Variants in OSBPL9 observed in about 807,000 individuals in gnomAD.
OSBPL9 encodes the protein oxysterol binding protein like 9.
In OSBPL9, 40 loss-of-function variants were observed where a neutral mutation model predicts 106.6. That is an observed-to-expected ratio of 0.38 (90% CI 0.29 to 0.49). The LOEUF (loss-of-function observed/expected upper bound fraction) is 0.49. OSBPL9 is among the 20% of genes least tolerant of loss of function. The pLI is 0.97. For synonymous variants in OSBPL9, 269 were observed against 295.4 expected, an observed-to-expected ratio of 0.91 and a Z score of 0.92; for missense variants, 609 against 887.2, an observed-to-expected ratio of 0.69 and a Z score of 3.98.
At chr1:51,545,068 T>G in the OSBPL9 span, among the ~76,000 whole-genome samples, 1 of 152,228 alleles carries the variant, frequency 6.6e-6, no homozygotes, top group South Asian at 2.1e-4. Context: ...TGTCTCAAAC[T>G]CTTGACCTCA....
chr1:51,642,100 G>A (rs1645837923), intron 1 of OSBPL9, among the ~76,000 whole-genome samples: 2 of 152,068 alleles, frequency 1.3e-5, no homozygotes, highest in South Asian at 4.1e-4. Context: ...TTGTCTTTGG[G>A]CAGCCGATTT....
At chr1:51,530,184 A>AAAAAAAAAAAAAAAAAAAAAAAAAC in the OSBPL9 span, among the ~76,000 whole-genome samples, 1 of 103,410 alleles carries the variant, frequency 9.7e-6, no homozygotes, top group Non-Finnish European at 2.0e-5. Context: ...AAAAAAAAAA[A>AAAAAAAAAAAAAAAAAAAAAAAAAC]AAAAAAAACA....
At chr1:51,659,475 A>C (rs1424852096) in intron 2 of OSBPL9, among the ~76,000 whole-genome samples, 1 of 152,106 alleles carries the variant, frequency 6.6e-6, no homozygotes, top group African/African-American at 2.4e-5. Context: ...TGATCTAAAC[A>C]TTAAAATTTT....
At chr1:51,588,275 G>A (rs954869921) in intron 1 of OSBPL9, among the ~76,000 whole-genome samples, 46 of 152,164 alleles carry the variant, frequency 3.0e-4, no homozygotes, top group African/African-American at 1.1e-3. Flanking sequence ...CCAGCTACTC[G>A]GGAGGCTGAG....
At chr1:51,753,268 C>T (rs1669649811) in intron 8 of OSBPL9, among the ~76,000 whole-genome samples, 1 of 152,114 alleles carries the variant, frequency 6.6e-6, no homozygotes. Context: ...CCAAGCCCCA[C>T]CACTGGAGCA....
chr1:51,521,239 G>A, the OSBPL9 span, among the ~76,000 whole-genome samples: 2 of 152,184 alleles, frequency 1.3e-5, no homozygotes, highest in Non-Finnish European at 2.9e-5. Flanking sequence ...TTGTTGTGAG[G>A]ATGAATGAGA....
At chr1:51,548,025 T>A in the OSBPL9 span, among the ~76,000 whole-genome samples, 1 of 151,938 alleles carries the variant, frequency 6.6e-6, no homozygotes, top group African/African-American at 2.4e-5. Context: ...TCCTAATACA[T>A]ATGTTGACTC....
Position 51,782,730 on chromosome 1 carries a change from T to C in OSBPL9, c.1513+87T>C. 3 of 1,125,354 alleles carry C rather than the reference T, an allele frequency of 2.7e-6. No individual in the cohort carries two copies. In the South Asian group the frequency reaches 4.5e-5, roughly 17 times the overall value. 69.7% of individuals were successfully genotyped at this position (1,125,354 alleles called of 1,614,324 possible). ...TTAAAAGCGCCATAGCTGAGGGTAC[T>C]GTCAGTTGTGTGACTAGCTGTGTGT... On this transcript the variant is annotated intron_variant, in intron 17 of 23. Coordinates refer to ENST00000428468, the MANE Select transcript of OSBPL9 (RefSeq NM_024586.6).
At chr1:51,639,827 T>TG (rs1216561499) in intron 1 of OSBPL9, among the ~76,000 whole-genome samples, 2 of 137,448 alleles carry the variant, frequency 1.5e-5, no homozygotes, top group Non-Finnish European at 3.1e-5. Flanking sequence ...TTTTTTTTTT[T>TG]TTTTTTTTTT....
chr1:51,733,506 T>A (rs1042896526), intron 4 of OSBPL9, among the ~76,000 whole-genome samples: 1 of 152,142 alleles, frequency 6.6e-6, no homozygotes, highest in Admixed American at 6.5e-5. Context: ...CCGGGTGCGG[T>A]GGCTCACGCT....
At chr1:51,714,165 C>G (rs1481531312) in intron 4 of OSBPL9, 86 bp downstream of exon 4, 11 of 983,662 alleles carry the variant, frequency 1.1e-5, no homozygotes, top group Non-Finnish European at 1.7e-5. Flanking sequence ...TTTTAAATAA[C>G]TGTGGTATGA....
chr1:51,684,797 G>T (rs777209776), intron 3 of OSBPL9, among the ~76,000 whole-genome samples: 1 of 152,154 alleles, frequency 6.6e-6, no homozygotes, highest in Non-Finnish European at 1.5e-5. Flanking sequence ...GCCTCCCAAA[G>T]TGTTGGGATT....
intron 1 of OSBPL9, among the ~76,000 whole-genome samples, chr1:51,646,387 ATTG>A (rs1646154374): frequency 1.3e-5 from 2 of 152,238 alleles, no homozygotes; most frequent in East Asian, 1.9e-4. Context: ...TATAAATGGA[ATTG>A]TTTTCTTAGT....
At chr1:51,616,667 C>T (rs1644065734), upstream of OSBPL9, among the ~76,000 whole-genome samples, 1 of 152,136 alleles carries the variant, frequency 6.6e-6, no homozygotes, top group South Asian at 2.1e-4. Flanking sequence ...TTCCCCTCAC[C>T]TGTCATGAAG....
At chr1:51,564,337 C>T in the OSBPL9 span, among the ~76,000 whole-genome samples, 1 of 152,078 alleles carries the variant, frequency 6.6e-6, no homozygotes, top group African/African-American at 2.4e-5. Flanking sequence ...TCTGGCCACA[C>T]CCTCCCCCAC....
At chr1:51,674,760 C>G (rs568096951) in intron 3 of OSBPL9, among the ~76,000 whole-genome samples, 3 of 152,136 alleles carry the variant, frequency 2.0e-5, no homozygotes, top group Non-Finnish European at 2.9e-5. Context: ...CAAATACTTA[C>G]CATTGTGTTG....
intron 4 of OSBPL9, among the ~76,000 whole-genome samples, chr1:51,720,050 T>C (rs1661785911): frequency 6.6e-6 from 1 of 152,208 alleles, no homozygotes; most frequent in South Asian, 2.1e-4. Flanking sequence ...TGGCTTTGAC[T>C]TCATATAGAT....
At chr1:51,567,304 G>C in the OSBPL9 span, 1 of 152,246 alleles carries the variant, frequency 6.6e-6, no homozygotes, top group South Asian at 2.1e-4. Flanking sequence ...TGAAGTCAAA[G>C]GCCATGTCTG....
the OSBPL9 span, among the ~76,000 whole-genome samples, chr1:51,552,108 T>C: frequency 1.3e-5 from 2 of 152,144 alleles, no homozygotes; most frequent in Admixed American, 1.3e-4. Context: ...ACGTTATGTA[T>C]ATTCCTCACA....
Sources: allele counts gnomAD v4.1 joint callset (sites outside exome capture counted in the v4.1 genomes callset), GRCh38; gene constraint gnomAD v4.1.1; transcripts MANE v1.5; gene names NCBI Gene and HGNC (gene_info 2026-07-23, HGNC 2026-07-21).